The following GPC5 variants were observed in gnomAD, a reference collection of about 807,000 sequenced individuals.
GPC5 encodes the protein glypican 5.
A neutral mutation model predicts 53.9 loss-of-function variants in GPC5; 47 were observed. The observed-to-expected ratio is 0.87, with a 90% CI of 0.69 to 1.11. The LOEUF (loss-of-function observed/expected upper bound fraction) is 1.11, where lower values mean the gene tolerates loss of function less well. Among genes scored for constraint, GPC5 ranks in the 50% most tolerant of loss-of-function variants. The pLI, the probability that GPC5 is intolerant of heterozygous loss-of-function variation, is 0.00. For synonymous variants in GPC5, 286 were observed against 263.3 expected, an observed-to-expected ratio of 1.09 and a Z score of -0.84; for missense variants, 748 against 713.1, an observed-to-expected ratio of 1.05 and a Z score of -0.56.
intron 6 of GPC5, among the ~76,000 whole-genome samples, chr13:92,001,420 T>C (rs2040552858): frequency 6.6e-6 from 1 of 152,156 alleles, no homozygotes; most frequent in South Asian, 2.1e-4. Context: ...CAGAGATATA[T>C]CAAGATTCCA....
At chr13:92,108,694 G>A (rs1272178497) in intron 6 of GPC5, among the ~76,000 whole-genome samples, 1 of 152,052 alleles carries the variant, frequency 6.6e-6, no homozygotes, top group Non-Finnish European at 1.5e-5. Flanking sequence ...ATTTCCTGTG[G>A]TAGTAAATAC....
intron 6 of GPC5, among the ~76,000 whole-genome samples, chr13:92,089,523 A>G (rs1296173028): frequency 6.6e-6 from 1 of 152,180 alleles, no homozygotes; most frequent in Non-Finnish European, 1.5e-5. Flanking sequence ...CATATTTTAA[A>G]TTCACTAATA....
rs540712529 is a variant in GPC5, at chr13:92,218,921, C to A, written c.1561+73932C>A. ...ATCTCTTTGGGGGCAGAACCTGGAA[C>A]CAGAAATTAACTCTGACTTTGAAAA... On this transcript the variant is annotated intron_variant, in intron 7 of 7. Transcript: ENST00000377067. Among the ~76,000 whole-genome samples the A allele has an allele frequency of 2.6e-5, 4 of 152,124 alleles. No individual in the cohort carries two copies. The East Asian group carries it at 5.8e-4, about 22-fold the overall frequency.
At chr13:91,711,138 A>G (rs138479733) in intron 3 of GPC5, among the ~76,000 whole-genome samples, 4 of 152,346 alleles carry the variant, frequency 2.6e-5, no homozygotes, top group Non-Finnish European at 4.4e-5. Flanking sequence ...TCATGCTACT[A>G]TAAAGACACA....
chr13:91,478,979 C>G (rs112460878), intron 2 of GPC5, among the ~76,000 whole-genome samples: 1 of 143,362 alleles, frequency 7.0e-6, no homozygotes, highest in Non-Finnish European at 1.5e-5. Flanking sequence ...AGTGCACCAT[C>G]TTGGCTCACT....
intron 6 of GPC5, chr13:91,996,457 T>G (rs552640004): frequency 6.6e-6 from 1 of 152,382 alleles, no homozygotes; most frequent in South Asian, 2.1e-4. Flanking sequence ...AGTCATCAGA[T>G]ATAGTAGAAT....
chr13:91,740,654 G>T (rs564211370), intron 4 of GPC5, among the ~76,000 whole-genome samples: 1 of 152,246 alleles, frequency 6.6e-6, no homozygotes, highest in African/African-American at 2.4e-5. Context: ...CTCCAAAGTT[G>T]AGCAAAGTAA....
chr13:92,229,503 G>C (rs1266949782), intron 7 of GPC5, among the ~76,000 whole-genome samples: 2 of 151,964 alleles, frequency 1.3e-5, no homozygotes, highest in Non-Finnish European at 2.9e-5. Flanking sequence ...TATATTTTTA[G>C]GTTGAGCTTC....
chr13:91,476,492 C>T (rs1882936573), intron 2 of GPC5, among the ~76,000 whole-genome samples: 1 of 152,082 alleles, frequency 6.6e-6, no homozygotes, highest in South Asian at 2.1e-4. Context: ...AAGTCAAAAT[C>T]TTTTATATTT....
chr13:92,491,640 C>T (rs558255780), intron 7 of GPC5, among the ~76,000 whole-genome samples: 1 of 152,086 alleles, frequency 6.6e-6, no homozygotes, highest in African/African-American at 2.4e-5. Context: ...CTTGGCCAAC[C>T]GTGTAGATTA....
chr13:91,856,733 G>A (rs1454427127), intron 5 of GPC5, among the ~76,000 whole-genome samples: 2 of 150,854 alleles, frequency 1.3e-5, no homozygotes, highest in African/African-American at 2.4e-5. Flanking sequence ...TCTGCAGCTT[G>A]CTGTTTTATT....
intron 6 of GPC5, among the ~76,000 whole-genome samples, chr13:91,909,834 C>G (rs1012235354): frequency 6.6e-6 from 1 of 152,142 alleles, no homozygotes. Context: ...CACCACCCCC[C>G]TCCTCTGCCA....
chr13:92,801,534 T>G (rs1876907917), intron 7 of GPC5, among the ~76,000 whole-genome samples: 1 of 151,790 alleles, frequency 6.6e-6, no homozygotes, highest in South Asian at 2.1e-4. Context: ...TATTGTTATT[T>G]TAGAGTGTAC....
intron 7 of GPC5, among the ~76,000 whole-genome samples, chr13:92,274,319 A>G (rs748777862): frequency 5.9e-5 from 9 of 152,018 alleles, no homozygotes; most frequent in Non-Finnish European, 1.0e-4. Flanking sequence ...AACATCACAG[A>G]CAGTAGATCA....
intron 7 of GPC5, among the ~76,000 whole-genome samples, chr13:92,381,881 TATATATATTATATATAATCATATATATG>T (rs1566565259): frequency 1.0e-4 from 4 of 39,666 alleles, no homozygotes; most frequent in Non-Finnish European, 2.3e-4. Context: ...TATATATGAT[TATATATATTATATATAATCATATATATG>T]ATATATATAA....
intron 5 of GPC5, among the ~76,000 whole-genome samples, chr13:91,776,839 G>T (rs963874978): frequency 6.6e-6 from 1 of 152,176 alleles, no homozygotes; most frequent in African/African-American, 2.4e-5. Flanking sequence ...ATAAGACAGT[G>T]TTGAAGTCTA....
chr13:92,411,763 A>G (rs1876052123), intron 7 of GPC5, among the ~76,000 whole-genome samples: 2 of 152,244 alleles, frequency 1.3e-5, no homozygotes. Flanking sequence ...TTATATGTGC[A>G]TAATGATGTA....
At chr13:92,800,569 C>A (rs146830309) in intron 7 of GPC5, among the ~76,000 whole-genome samples, 1 of 151,826 alleles carries the variant, frequency 6.6e-6, no homozygotes, top group Non-Finnish European at 1.5e-5. Context: ...TACCAACATT[C>A]CAGGATCTTG....
At chr13:92,387,754 C>T (rs1874805321) in intron 7 of GPC5, among the ~76,000 whole-genome samples, 1 of 152,108 alleles carries the variant, frequency 6.6e-6, no homozygotes, top group African/African-American at 2.4e-5. Flanking sequence ...ACTATATAAG[C>T]TTCAACAAGT....
Sources: gnomAD v4.1 joint callset for allele counts (sites outside exome capture counted in the v4.1 genomes callset) on GRCh38, gnomAD v4.1.1 for gene constraint, MANE v1.5 for transcripts, NCBI Gene and HGNC (gene_info 2026-07-23, HGNC 2026-07-21) for gene names.